The following AGBL4 variants were observed in gnomAD, a reference collection of about 807,000 sequenced individuals.
AGBL4 encodes the protein AGBL carboxypeptidase 4.
AGBL4 carries 58 observed loss-of-function variants against 66.4 expected under a neutral mutation model. The observed-to-expected ratio is 0.87, with a 90% confidence interval of 0.71 to 1.09. The LOEUF is 1.09. Ranked by LOEUF, AGBL4 falls within the 50% of genes least tolerant of loss-of-function variation. The probability of loss-of-function intolerance (pLI) is 0.00; values close to 1 mark genes in which losing one functional copy is unlikely to be tolerated. For missense variants in AGBL4, 579 were observed against 631.0 expected (o/e 0.92, Z 0.88); for synonymous variants, 234 against 222.9 (o/e 1.05, Z -0.44).
chr1:48,787,881 A>G (rs1044557959), intron 6 of AGBL4, among the ~76,000 whole-genome samples: 3 of 152,222 alleles, frequency 2.0e-5, no homozygotes, highest in Non-Finnish European at 4.4e-5. Flanking sequence ...GGTAACTGGA[A>G]AAGACCCTAC....
At chr1:48,744,936 G>A (rs911082268) in intron 6 of AGBL4, among the ~76,000 whole-genome samples, 2 of 152,196 alleles carry the variant, frequency 1.3e-5, no homozygotes, top group Non-Finnish European at 2.9e-5. Flanking sequence ...CACCCAGTTA[G>A]ACTTTCGGAC....
intron 6 of AGBL4, among the ~76,000 whole-genome samples, chr1:48,741,950 G>A (rs983764799): frequency 1.3e-5 from 2 of 152,178 alleles, no homozygotes; most frequent in Admixed American, 1.3e-4. Context: ...TGCCCTGCTG[G>A]TATATCATCA....
At chr1:48,689,249 C>T (rs1646585654) in intron 6 of AGBL4, among the ~76,000 whole-genome samples, 1 of 145,194 alleles carries the variant, frequency 6.9e-6, no homozygotes, top group South Asian at 2.2e-4. Flanking sequence ...GAAACAAGAT[C>T]CACTCCCTGT....
At chr1:48,670,256 C>T (rs1336250991) in intron 6 of AGBL4, among the ~76,000 whole-genome samples, 3 of 152,164 alleles carry the variant, frequency 2.0e-5, no homozygotes, top group African/African-American at 7.2e-5. Flanking sequence ...CAGAGGCCAT[C>T]AGAACTGCAC....
intron 3 of AGBL4, among the ~76,000 whole-genome samples, chr1:49,692,581 G>C (rs1045746768): frequency 6.6e-6 from 1 of 152,114 alleles, no homozygotes; most frequent in African/African-American, 2.4e-5. Context: ...AGCTGGGCAT[G>C]GTGGCAGGTG....
At chr1:48,965,010 T>G (rs1366993724) in intron 5 of AGBL4, among the ~76,000 whole-genome samples, 40 of 152,304 alleles carry the variant, frequency 2.6e-4, no homozygotes, top group Admixed American at 2.4e-3. Flanking sequence ...CCTCCCAAGA[T>G]CCTCAGTTTG....
At chr1:48,764,449 T>G (rs960759842) in intron 6 of AGBL4, among the ~76,000 whole-genome samples, 11 of 152,040 alleles carry the variant, frequency 7.2e-5, no homozygotes, top group Non-Finnish European at 1.0e-4. Context: ...GAATCTGGAC[T>G]ACACAAGAGG....
At chr1:48,576,054 GA>G (rs547340113) in intron 11 of AGBL4, among the ~76,000 whole-genome samples, 60 of 152,278 alleles carry the variant, frequency 3.9e-4, no homozygotes, top group African/African-American at 1.4e-3. Context: ...TCTGCTTCAT[GA>G]GAGCTCTTTA....
chr1:48,576,658 C>T (rs928203887), intron 11 of AGBL4, among the ~76,000 whole-genome samples: 2 of 152,106 alleles, frequency 1.3e-5, no homozygotes, highest in African/African-American at 2.4e-5. Context: ...AACCTGATGC[C>T]TCAGGACCTG....
chr1:49,152,888 T>C (rs1479737288), intron 4 of AGBL4, among the ~76,000 whole-genome samples: 1 of 152,102 alleles, frequency 6.6e-6, no homozygotes, highest in African/African-American at 2.4e-5. Flanking sequence ...TAAACTAATA[T>C]ATTAGTTTAA....
At chr1:49,719,524 CA>C (rs1370179849) in intron 2 of AGBL4, among the ~76,000 whole-genome samples, 2 of 152,092 alleles carry the variant, frequency 1.3e-5, no homozygotes, top group African/African-American at 2.4e-5. Context: ...TTTGCTTGAT[CA>C]AAAGACTAGG....
chr1:49,245,636 G>T, intron 4 of AGBL4, 134 bp downstream of exon 4: 2 of 585,850 alleles, frequency 3.4e-6, no homozygotes, highest in Non-Finnish European at 3.0e-6. Context: ...ATAAACTAGA[G>T]TTCTGGGTAA....
intron 6 of AGBL4, among the ~76,000 whole-genome samples, chr1:48,699,165 G>A (rs1022799613): frequency 3.9e-5 from 6 of 152,172 alleles, no homozygotes; most frequent in Non-Finnish European, 5.9e-5. Context: ...CTCAGGGGGA[G>A]CTCTGCATAG....
intron 1 of AGBL4, among the ~76,000 whole-genome samples, chr1:49,921,580 A>C (rs946031391): frequency 6.6e-6 from 1 of 152,152 alleles, no homozygotes; most frequent in Non-Finnish European, 1.5e-5. Context: ...GCTCAGTCCA[A>C]GTCCAAAAGC....
At position 48,559,866 on chromosome 1, in the gene AGBL4, C is replaced by G. The variant is rs372011269; in HGVS notation, c.1268-20128G>C. Among the ~76,000 whole-genome samples the G allele has an allele frequency of 3.0e-4, 46 of 152,210 alleles. No homozygotes were observed. The South Asian group carries it at 9.4e-3, about 31-fold the overall frequency. On this transcript the variant is annotated intron_variant, in intron 11 of 13. Transcript: ENST00000371839. ...TTGGTTATAAATTCTGGGAGGGCAG[C>G]TTGGTATCCCTGTTGCCCCTCACAG...
At chr1:49,994,755 C>G (rs1011682995) in intron 1 of AGBL4, 3 of 221,810 alleles carry the variant, frequency 1.4e-5, no homozygotes, top group African/African-American at 6.9e-5. Flanking sequence ...AATCTACAGA[C>G]CCTTTGAAGG....
chr1:49,862,376 A>G (rs891397032), intron 1 of AGBL4, among the ~76,000 whole-genome samples: 2 of 151,638 alleles, frequency 1.3e-5, no homozygotes, highest in African/African-American at 4.8e-5. Flanking sequence ...ACAATGAAGC[A>G]TAACTACAGG....
intron 4 of AGBL4, among the ~76,000 whole-genome samples, chr1:49,104,584 A>C (rs1034084148): frequency 6.6e-6 from 1 of 152,152 alleles, no homozygotes; most frequent in Non-Finnish European, 1.5e-5. Flanking sequence ...CCAAGGTTAC[A>C]GAGCTTAACC....
At chr1:49,095,843 T>A (rs1319206216) in intron 4 of AGBL4, among the ~76,000 whole-genome samples, 12 of 150,702 alleles carry the variant, frequency 8.0e-5, no homozygotes, top group Non-Finnish European at 1.6e-4. Flanking sequence ...ACAAATGGGA[T>A]CTAATTAAAC....
Sources: gnomAD v4.1 joint callset for allele counts (sites outside exome capture counted in the v4.1 genomes callset) on GRCh38, gnomAD v4.1.1 for gene constraint, MANE v1.5 for transcripts, NCBI Gene and HGNC (gene_info 2026-07-23, HGNC 2026-07-21) for gene names.